BEND2: variants seen among roughly 807,000 people sequenced by gnomAD.
BEND2 encodes the protein BEN domain-containing protein 2.
BEND2 carries 19 observed loss-of-function variants against 43.8 expected under a neutral mutation model. That is an observed-to-expected ratio of 0.43 (90% CI 0.30 to 0.64). The LOEUF is 0.64. BEND2 is among the 30% of genes least tolerant of loss of function. The pLI is 0.11. For missense variants in BEND2, 544 were observed against 574.0 expected (o/e 0.95, Z 0.53); for synonymous variants, 226 against 210.1 (o/e 1.08, Z -0.66).
At chrX:18,207,822 C>A (rs1337248140) in intron 4 of BEND2, among the ~76,000 whole-genome samples, 1 of 110,813 alleles carries the variant, frequency 9.0e-6, no homozygotes, top group East Asian at 2.9e-4. Context: ...AGTTCGAGGC[C>A]AGCCTGGCCA....
intron 13 of BEND2, among the ~76,000 whole-genome samples, chrX:18,168,148 T>C (rs1923871539): frequency 2.7e-5 from 3 of 112,403 alleles, no homozygotes; most frequent in South Asian, 7.4e-4. Flanking sequence ...TTGGGATGAA[T>C]GGGACATGTA....
chrX:18,169,543 T>C (rs1316837963), intron 13 of BEND2, among the ~76,000 whole-genome samples: 2 of 111,958 alleles, frequency 1.8e-5, no homozygotes, highest in African/African-American at 3.2e-5. Context: ...AGGTCTCTTC[T>C]CTCATATCTG....
chrX:18,207,875 C>T (rs758364895), intron 4 of BEND2, among the ~76,000 whole-genome samples: 5 of 111,192 alleles, frequency 4.5e-5, no homozygotes, highest in East Asian at 2.8e-4. Context: ...AAAAAGTAGC[C>T]GGGTGTGGTG....
At chrX:18,191,153 G>A (rs1353248420) in intron 7 of BEND2, 45 bp from the exon 8 acceptor site, 2 of 958,660 alleles carry the variant, frequency 2.1e-6, no homozygotes, top group Non-Finnish European at 2.9e-6. Context: ...TTGCAGTGCT[G>A]AAAGACAAGA....
chrX:18,178,493 C>T (rs1924260755), intron 9 of BEND2, among the ~76,000 whole-genome samples: 1 of 111,865 alleles, frequency 8.9e-6, no homozygotes, highest in Non-Finnish European at 1.9e-5. Flanking sequence ...CTAATATCTT[C>T]CATTCTTTTT....
chrX:18,196,896 T>A (rs1230661290), intron 6 of BEND2, among the ~76,000 whole-genome samples: 4 of 110,901 alleles, frequency 3.6e-5, no homozygotes, highest in African/African-American at 1.3e-4. Context: ...TTGACTGTGG[T>A]GGTGAGAATC....
rs750904636 is a variant in BEND2 at position 18,180,493 on chromosome X, T to A, written c.1429+17A>T. 1.2e-5 allele frequency: 14 copies of A among 1,207,109 alleles called. No individual in the cohort carries two copies. The highest frequency in any genetic ancestry group is 1.3e-5 in the Non-Finnish European group (12 of 891,814). ...CTCAAATAGTGCCACTTATAATGTG[T>A]GTTATTTCAAACTCACCATACTTGG... On this transcript the variant is annotated intron_variant, in intron 9 of 13. Coordinates refer to ENST00000380033, the MANE Select transcript of BEND2 (RefSeq NM_153346.5).
chrX:18,168,674 GC>G (rs1923884237), intron 13 of BEND2, among the ~76,000 whole-genome samples: 1 of 111,464 alleles, frequency 9.0e-6, no homozygotes, highest in Non-Finnish European at 1.9e-5. Context: ...TCAATTAAGA[GC>G]CCTTAAGTGA....
chrX:18,195,132 A>C (rs1477477550), intron 7 of BEND2, among the ~76,000 whole-genome samples, 164 bp downstream of exon 7: 1 of 111,758 alleles, frequency 8.9e-6, no homozygotes, highest in Non-Finnish European at 1.9e-5. Flanking sequence ...GGTAAAGGGT[A>C]GTCAGGATTT....
chrX:18,206,605 G>T (rs1183758682), intron 4 of BEND2, among the ~76,000 whole-genome samples: 1 of 110,906 alleles, frequency 9.0e-6, no homozygotes, highest in Non-Finnish European at 1.9e-5. Flanking sequence ...TCTGAGTTCG[G>T]GGAGGGGACT....
intron 8 of BEND2, among the ~76,000 whole-genome samples, chrX:18,189,199 CAA>C (rs34280162): frequency 0.039 from 2,813 of 72,724 alleles, 129 homozygotes; most frequent in African/African-American, 0.13. Context: ...GAATCCATCT[CAA>C]AAAAAAAAAA....
chrX:18,165,434 A>G (rs1441073624), intron 13 of BEND2, among the ~76,000 whole-genome samples: 2 of 112,174 alleles, frequency 1.8e-5, no homozygotes, highest in Non-Finnish European at 3.8e-5. Context: ...CTTAAATCAC[A>G]ATAAAGCAAC....
intron 4 of BEND2, among the ~76,000 whole-genome samples, chrX:18,208,462 G>T (rs1327978227): frequency 9.0e-6 from 1 of 110,855 alleles, no homozygotes; most frequent in Non-Finnish European, 1.9e-5. Flanking sequence ...CTCCAGCCTG[G>T]GTGATAGAGC....
intron 9 of BEND2, among the ~76,000 whole-genome samples, chrX:18,178,974 CCAAT>C (rs1266720633): frequency 8.3e-5 from 8 of 96,370 alleles, no homozygotes; most frequent in Admixed American, 7.9e-4. Flanking sequence ...CCAATTTTTC[CCAAT>C]CATTCTGTAA....
chrX:18,216,476 A>G (rs1321382032), intron 2 of BEND2, 45 bp downstream of exon 2: 3 of 1,082,071 alleles, frequency 2.8e-6, no homozygotes, highest in Non-Finnish European at 3.8e-6. Flanking sequence ...GGAAATGGGG[A>G]CCAGAGAGTA....
In BEND2 at chrX:18,208,311, C is replaced by T. The variant is rs764292861; in HGVS notation, c.492+4254G>A. ...GATCATCCTGGCTAACACGGCGAAACCTTGTCTCTACTAAAAATACAAAAA... is the reference window on the plus strand; with the variant it reads ...GATCATCCTGGCTAACACGGCGAAATCTTGTCTCTACTAAAAATACAAAAA... On this transcript the variant is annotated intron_variant, in intron 4 of 13. Coordinates refer to ENST00000380033, the MANE Select transcript of BEND2 (RefSeq NM_153346.5). Among the ~76,000 whole-genome samples, 18 of 109,862 alleles carry T rather than the reference C, an allele frequency of 1.6e-4. No homozygotes were observed. In the South Asian group the frequency reaches 6.8e-3, roughly 41 times the overall value.
At chrX:18,206,648 GC>G (rs1333001743) in intron 4 of BEND2, among the ~76,000 whole-genome samples, 1 of 110,857 alleles carries the variant, frequency 9.0e-6, no homozygotes, top group Non-Finnish European at 1.9e-5. Flanking sequence ...GTCAGCCCAG[GC>G]CACTAGAATA....
At chrX:18,218,842 A>G (rs1925753459) in intron 1 of BEND2, among the ~76,000 whole-genome samples, 1 of 112,312 alleles carries the variant, frequency 8.9e-6, no homozygotes, top group Non-Finnish European at 1.9e-5. Context: ...CCTGGGCGAC[A>G]GAGAGAGACT....
intron 8 of BEND2, among the ~76,000 whole-genome samples, chrX:18,182,506 T>C (rs1924418520): frequency 9.0e-6 from 1 of 111,372 alleles, no homozygotes; most frequent in African/African-American, 3.3e-5. Flanking sequence ...AGTGGCTATA[T>C]TGATATCAGA....
Sources: gnomAD v4.1 joint callset for allele counts (sites outside exome capture counted in the v4.1 genomes callset) on GRCh38, gnomAD v4.1.1 for gene constraint, MANE v1.5 for transcripts, NCBI Gene and HGNC (gene_info 2026-07-23, HGNC 2026-07-21) for gene names.